Variants in SMG7 observed in about 807,000 individuals in gnomAD.
SMG7 encodes SMG7 nonsense mediated mRNA decay factor.
SMG7 carries 34 observed loss-of-function variants against 148.2 expected under a neutral mutation model. The observed-to-expected ratio is 0.23, with a 90% confidence interval of 0.17 to 0.31. SMG7 has a LOEUF of 0.31. Among genes scored for constraint, SMG7 ranks in the 10% least tolerant of loss-of-function variants. SMG7 has a pLI of 1.00. For synonymous variants in SMG7, 492 were observed against 515.1 expected, an observed-to-expected ratio of 0.96 and a Z score of 0.61; for missense variants, 1,114 against 1,408.4, an observed-to-expected ratio of 0.79 and a Z score of 3.35.
At chr1:183,495,689 G>A (rs1320377634) in intron 1 of SMG7, among the ~76,000 whole-genome samples, 4 of 151,958 alleles carry the variant, frequency 2.6e-5, no homozygotes, top group Admixed American at 2.6e-4. Flanking sequence ...GACAACATGG[G>A]GAAACCCATC....
intron 4 of SMG7, among the ~76,000 whole-genome samples, chr1:183,522,161 T>C (rs1664907027): frequency 6.6e-6 from 1 of 152,182 alleles, no homozygotes; most frequent in East Asian, 1.9e-4. Flanking sequence ...AGTAGCTTTT[T>C]CCCTATTAAA....
chr1:183,545,043 C>T lies in SMG7; in HGVS notation c.2101C>T (p.His701Tyr), dbSNP rs766963927. 1 of 1,614,064 alleles carries T rather than the reference C, an allele frequency of 6.2e-7. No individual in the cohort carries two copies. The highest frequency in any genetic ancestry group is 8.5e-7 in the Non-Finnish European group (1 of 1,179,992). ...AGGAACCTTTCTTCAGCCTACAGCT[C>T]ACTCTCCAGCAGGAAACCAGGTGCA... Reference protein sequence around the residue: ...VPGTFLQPTAHSPAGNQVQAG... With the variant: ...VPGTFLQPTAYSPAGNQVQAG... Residue 701 changes from histidine (H) to tyrosine (Y), a missense_variant, in exon 16 of 23, where the codon CAC (histidine) becomes TAC (tyrosine). By Grantham distance (83) the His-to-Tyr change is moderately conservative. Around this residue, in one of 4 missense-constraint regions of SMG7, gnomAD observed 788 missense variants for 894.5 expected, o/e 0.88. Coordinates refer to ENST00000688051, the MANE Select transcript of SMG7 (RefSeq NM_001375584.1).
At position 183,539,151 on chromosome 1, in the gene SMG7, C is replaced by CA. The variant is rs535031932; in HGVS notation, c.1295+721dup. On this transcript the variant is annotated intron_variant, in intron 12 of 22. Transcript: ENST00000688051. The stretch of plus-strand genomic sequence containing the variant: ...TGGGTGACAGAGTGAGACTCCGTCT[C>CA]AAAAAAAAAAGAGTAGCGTGGGCCA... Among the ~76,000 whole-genome samples the CA allele has an allele frequency of 5.4e-3, 804 of 148,130 alleles. 4 individuals are homozygous for CA. Among genetic ancestry groups the CA allele is most frequent in the Middle Eastern group, 0.035 (10 of 288 alleles).
intron 4 of SMG7, among the ~76,000 whole-genome samples, chr1:183,520,402 G>A (rs1257111119): frequency 4.6e-5 from 7 of 152,102 alleles, no homozygotes; most frequent in Non-Finnish European, 8.8e-5. Context: ...ACTATGCTCT[G>A]TTGGATTCCC....
intron 17 of SMG7, among the ~76,000 whole-genome samples, chr1:183,546,811 A>C (rs1558065049): frequency 6.6e-6 from 1 of 152,214 alleles, no homozygotes; most frequent in Non-Finnish European, 1.5e-5. Context: ...CTCTGTTAGC[A>C]CAAGATATGC....
At chr1:183,484,107 AATTACATGAG>A (rs1654841016) in intron 1 of SMG7, among the ~76,000 whole-genome samples, 1 of 152,062 alleles carries the variant, frequency 6.6e-6, no homozygotes, top group African/African-American at 2.4e-5. Context: ...TTACTAGGAG[AATTACATGAG>A]AAGATAGACA....
At chr1:183,537,642 C>G (rs565117467) in intron 11 of SMG7, among the ~76,000 whole-genome samples, 5 of 152,302 alleles carry the variant, frequency 3.3e-5, no homozygotes, top group South Asian at 2.1e-4. Flanking sequence ...CTTTTTCTTA[C>G]GTGTGTACAC....
intron 1 of SMG7, among the ~76,000 whole-genome samples, chr1:183,482,113 C>A (rs1400117034): frequency 6.6e-6 from 1 of 152,074 alleles, no homozygotes; most frequent in Non-Finnish European, 1.5e-5. Context: ...CTAGGAATGA[C>A]TGAGTTTGGT....
intron 1 of SMG7, among the ~76,000 whole-genome samples, chr1:183,504,748 C>G (rs1660522102): frequency 6.6e-6 from 1 of 152,150 alleles, no homozygotes; most frequent in South Asian, 2.1e-4. Flanking sequence ...ATTTACCATT[C>G]TCCTCAGCTT....
chr1:183,492,995 G>A (rs1032531358), intron 1 of SMG7, among the ~76,000 whole-genome samples: 1 of 151,952 alleles, frequency 6.6e-6, no homozygotes, highest in African/African-American at 2.4e-5. Context: ...TTAGAGACAC[G>A]ATCTCGCTCT....
At chr1:183,546,625 C>A (rs1669970466) in intron 17 of SMG7, among the ~76,000 whole-genome samples, 1 of 152,202 alleles carries the variant, frequency 6.6e-6, no homozygotes, top group Non-Finnish European at 1.5e-5. Context: ...ACAAAGCACT[C>A]CTCTCAGTTG....
In SMG7 at chr1:183,528,940, A is replaced by G. The variant is rs1666383717; in HGVS notation, c.605A>G (p.His202Arg). The G allele has an allele frequency of 6.2e-7, 1 of 1,613,516 alleles. No individual in the cohort carries two copies. Among genetic ancestry groups the G allele is most frequent in the Admixed American group, 1.7e-5 (1 of 59,980 alleles). ...LAILASSKGD[H>R]LTTIFYYCRS... The stretch of plus-strand genomic sequence containing the variant: ...ATCTTAGCTTCTTCCAAAGGAGACC[A>G]TCTGACCACAATTTTCTACTACTGC... Residue 202 changes from histidine to arginine, a missense_variant, in exon 7 of 23, where the codon CAT becomes CGT. His to Arg is a conservative substitution (Grantham distance 29). Around this residue, in one of 4 missense-constraint regions of SMG7, gnomAD observed 216 missense variants for 329.1 expected, o/e 0.66. Transcript: ENST00000688051.
chr1:183,489,297 C>G (rs1426886226), intron 1 of SMG7, among the ~76,000 whole-genome samples: 1 of 152,052 alleles, frequency 6.6e-6, no homozygotes, highest in Non-Finnish European at 1.5e-5. Context: ...TTCTCGGGTT[C>G]TTGTCAGATC....
chr1:183,494,756 CTTTTTTTTTTTTT>C lies in SMG7; in HGVS notation c.30-18065_30-18053del, dbSNP rs141159130. On this transcript the variant is annotated intron_variant, in intron 1 of 22. Coordinates refer to ENST00000688051, the MANE Select transcript of SMG7 (RefSeq NM_001375584.1). ...GATAAGAACTTAGCTAGCCCTTGTT[CTTTTTTTTTTTTT>C]TTTTTTTTTTTTTTTGAGATGGTGT... Among the ~76,000 whole-genome samples, 6 of 15,278 alleles carry C rather than the reference CTTTTTTTTTTTTT, an allele frequency of 3.9e-4. No homozygotes were observed. The South Asian group carries it at 0.01, about 27-fold the overall frequency. 10.0% of individuals were successfully genotyped at this position (15,278 alleles called of 152,430 possible). A position where few individuals can be genotyped will look rare whatever the true frequency, so the allele number is the denominator to read the frequency against.
chr1:183,511,139 A>T (rs867839076), intron 1 of SMG7, among the ~76,000 whole-genome samples: 4 of 143,278 alleles, frequency 2.8e-5, no homozygotes, highest in East Asian at 2.0e-4. Flanking sequence ...TCTCTCTCTC[A>T]AAAAAAAAAA....
At chr1:183,529,346 T>C (rs1572012507) in intron 7 of SMG7, 52 bp from the exon 8 acceptor site, 2 of 1,595,916 alleles carry the variant, frequency 1.3e-6, no homozygotes, top group East Asian at 2.2e-5. Flanking sequence ...CCTTAAACAG[T>C]TGTAGCCAAT....
intron 1 of SMG7, among the ~76,000 whole-genome samples, chr1:183,507,881 CT>C (rs1383626261): frequency 6.6e-6 from 1 of 151,922 alleles, no homozygotes; most frequent in African/African-American, 2.4e-5. Context: ...ATGACTTTTT[CT>C]TTTTTTATTG....
chr1:183,528,172 T>G (rs868482615), intron 6 of SMG7, 145 bp downstream of exon 6: 1 of 451,862 alleles, frequency 2.2e-6, no homozygotes, highest in Middle Eastern at 3.3e-4. Context: ...TAACTGTACA[T>G]TCCATGTAAA....
At chr1:183,533,959 G>A (rs1163835377) in intron 10 of SMG7, 127 bp downstream of exon 10, 13 of 737,902 alleles carry the variant, frequency 1.8e-5, no homozygotes, top group South Asian at 4.3e-5. Context: ...GCCGACTCTC[G>A]GGAATTGAAC....
Sources: allele counts gnomAD v4.1 joint callset (sites outside exome capture counted in the v4.1 genomes callset), GRCh38; gene constraint gnomAD v4.1.1; regional missense constraint gnomAD v4.1.1; transcripts MANE v1.5; gene names NCBI Gene and HGNC (gene_info 2026-07-23, HGNC 2026-07-21).